Variants in SCTR observed in about 807,000 individuals in gnomAD.
The protein encoded by SCTR is secretin receptor.
A neutral mutation model predicts 60.8 loss-of-function variants in SCTR; 56 were observed. The ratio of observed to expected loss-of-function variants is 0.92; its 90% CI spans 0.74 to 1.15. SCTR has a LOEUF of 1.15. SCTR is among the 50% of genes most tolerant of loss of function. SCTR has a pLI of 0.00. For synonymous variants in SCTR, 202 were observed against 217.0 expected (o/e 0.93, Z 0.61); for missense variants, 562 against 550.4 (o/e 1.02, Z -0.21).
chr2:119,493,604 T>C (rs1678220437), intron 2 of SCTR, among the ~76,000 whole-genome samples: 2 of 151,830 alleles, frequency 1.3e-5, no homozygotes, highest in African/African-American at 4.8e-5. Context: ...TTTATCATTA[T>C]AATCCTGAAG....
chr2:119,444,950 T>C lies in SCTR; in HGVS notation c.1140+1809A>G, dbSNP rs193185426. On this transcript the variant is annotated intron_variant, in intron 11 of 12. Transcript: ENST00000019103. ...ACACATATATTCGTACGAATATATATACATATATTCGTACGAATATATATA... is the reference window on the plus strand; with the variant it reads ...ACACATATATTCGTACGAATATATACACATATATTCGTACGAATATATATA... Among the ~76,000 whole-genome samples, 10 of 112,756 alleles carry C rather than the reference T, an allele frequency of 8.9e-5. 1 individual carries two copies. The highest frequency in any genetic ancestry group is 1.0e-4 in the Non-Finnish European group (6 of 59,284). 74.0% of individuals were successfully genotyped at this position (112,756 alleles called of 152,430 possible).
At position 119,465,794 on chromosome 2, in the gene SCTR, A is replaced by G. The variant is rs775891541; in HGVS notation, c.498T>C (p.Ala166=). ...AGCTGGCAGTGTGTTCTCACCGGAA[A>G]GCACAGAGGATGCCAAGGGCGACCA... is the stretch of plus-strand genomic sequence containing the variant. ...MLLVALGILC[A]FRRLHCTRNY... The change falls in exon 5 of 13, where the codon GCT becomes GCC. Residue 166 remains alanine, a synonymous_variant. Transcript: ENST00000019103. 19 of 1,610,932 alleles carry G rather than the reference A, an allele frequency of 1.2e-5. No individual in the cohort carries two copies. In the Middle Eastern group the frequency reaches 2.6e-3, roughly 224 times the overall value.
intron 2 of SCTR, among the ~76,000 whole-genome samples, chr2:119,489,876 C>A (rs945006725): frequency 1.3e-5 from 2 of 152,210 alleles, no homozygotes; most frequent in Non-Finnish European, 2.9e-5. Flanking sequence ...ATTTTAAACA[C>A]ATGTTATGTT....
intron 11 of SCTR, among the ~76,000 whole-genome samples, chr2:119,443,921 C>G (rs1682754913): frequency 6.6e-6 from 1 of 152,044 alleles, no homozygotes; most frequent in Admixed American, 6.5e-5. Context: ...TAAGCCCCGT[C>G]TTTTAGAAAT....
At chr2:119,448,012 A>C (rs1366961093) in intron 10 of SCTR, among the ~76,000 whole-genome samples, 1 of 152,338 alleles carries the variant, frequency 6.6e-6, no homozygotes, top group East Asian at 1.9e-4. Context: ...GCTAAGTTAC[A>C]ACAAGGATGG....
chr2:119,492,160 C>T (rs1206557026), intron 2 of SCTR, among the ~76,000 whole-genome samples: 7 of 152,190 alleles, frequency 4.6e-5, no homozygotes, highest in Non-Finnish European at 7.3e-5. Flanking sequence ...GTACAGCAGC[C>T]ATTATATGAC....
At chr2:119,483,727 G>A (rs1003394458) in intron 2 of SCTR, among the ~76,000 whole-genome samples, 1 of 152,196 alleles carries the variant, frequency 6.6e-6, no homozygotes, top group African/African-American at 2.4e-5. Flanking sequence ...CTATTGTTTA[G>A]GATGAGGCTA....
At chr2:119,450,247 A>G (rs72833267) in intron 9 of SCTR, among the ~76,000 whole-genome samples, 6,610 of 152,118 alleles carry the variant, frequency 0.043, 234 homozygotes, top group African/African-American at 0.097. Flanking sequence ...GCCCCATGCT[A>G]GGTTGGTAGG....
At chr2:119,479,011 G>A in intron 2 of SCTR, 93 bp from the exon 3 acceptor site, 2 of 1,557,522 alleles carry the variant, frequency 1.3e-6, no homozygotes, top group Non-Finnish European at 1.7e-6. Flanking sequence ...TGCCTGCCTG[G>A]AATTCCCACT....
chr2:119,509,961 A>G (rs74413889), intron 1 of SCTR, among the ~76,000 whole-genome samples: 1,599 of 152,016 alleles, frequency 0.011, 22 homozygotes, highest in African/African-American at 0.022. Context: ...GGGTTAATCT[A>G]TGTAGCAACA....
chr2:119,441,651 C>T (rs745659964), intron 11 of SCTR, 52 bp from the exon 12 acceptor site: 1 of 1,541,282 alleles, frequency 6.5e-7, no homozygotes, highest in Non-Finnish European at 8.9e-7. Context: ...AGCATGCGGC[C>T]TGAACCAGCT....
intron 7 of SCTR, among the ~76,000 whole-genome samples, chr2:119,458,044 A>G (rs1347047698): frequency 1.3e-5 from 2 of 152,254 alleles, no homozygotes; most frequent in Non-Finnish European, 2.9e-5. Context: ...CTGTAATCCC[A>G]GCACTTTGGG....
chr2:119,463,905 T>A (rs2253872), intron 6 of SCTR, among the ~76,000 whole-genome samples: 90,926 of 151,820 alleles, frequency 0.6, 28,445 homozygotes, highest in Non-Finnish European at 0.69. Context: ...GCAACCCCCA[T>A]GAGCTTCTCT....
intron 9 of SCTR, among the ~76,000 whole-genome samples, chr2:119,449,171 G>T (rs13026971): frequency 0.028 from 4,238 of 152,316 alleles, 75 homozygotes; most frequent in Middle Eastern, 0.11. Flanking sequence ...AGCCTTTACA[G>T]CAGTGGTTCT....
At chr2:119,486,256 T>G (rs1344180919) in intron 2 of SCTR, 1 of 151,972 alleles carries the variant, frequency 6.6e-6, no homozygotes, top group Non-Finnish European at 1.5e-5. Context: ...CGGAAGAGCA[T>G]CAGACACTGA....
chr2:119,513,907 T>C (rs796196945), intron 1 of SCTR, among the ~76,000 whole-genome samples: 2 of 152,360 alleles, frequency 1.3e-5, no homozygotes, highest in African/African-American at 4.8e-5. Context: ...CACTTTTTAG[T>C]ATCCCATAAT....
intron 7 of SCTR, among the ~76,000 whole-genome samples, 163 bp downstream of exon 7, chr2:119,461,684 C>G (rs1221968083): frequency 7.0e-6 from 1 of 142,830 alleles, no homozygotes; most frequent in African/African-American, 2.6e-5. Context: ...GCACTTCAGC[C>G]TGGGCAACAA....
At chr2:119,494,193 C>T (rs1004693560) in intron 2 of SCTR, among the ~76,000 whole-genome samples, 1 of 152,188 alleles carries the variant, frequency 6.6e-6, no homozygotes, top group Non-Finnish European at 1.5e-5. Flanking sequence ...TAGGAAAACA[C>T]CGGCTATGTT....
At chr2:119,446,913 C>T (rs763239776) in intron 10 of SCTR, 28 bp from the exon 11 acceptor site, 6 of 1,438,286 alleles carry the variant, frequency 4.2e-6, no homozygotes, top group South Asian at 1.6e-5. Flanking sequence ...CTGTAGCCTC[C>T]ACTCTGCCTC....
Sources: gnomAD v4.1 joint callset for allele counts (sites outside exome capture counted in the v4.1 genomes callset) on GRCh38, gnomAD v4.1.1 for gene constraint, MANE v1.5 for transcripts, NCBI Gene and HGNC (gene_info 2026-07-23, HGNC 2026-07-21) for gene names.